Variants in GRID2 observed in about 807,000 individuals in gnomAD.
GRID2 encodes the protein glutamate receptor ionotropic, delta-2.
GRID2 carries 33 observed loss-of-function variants against 114.8 expected under a neutral mutation model. The ratio of observed to expected loss-of-function variants is 0.29; its 90% CI spans 0.22 to 0.38. GRID2 has a LOEUF of 0.38. Ranked by LOEUF, GRID2 falls within the 10% of genes least tolerant of loss-of-function variation. The pLI is 1.00. For synonymous variants in GRID2, 505 were observed against 449.9 expected, an observed-to-expected ratio of 1.12 and a Z score of -1.55; for missense variants, 1,184 against 1,257.7, an observed-to-expected ratio of 0.94 and a Z score of 0.89.
At chr4:93,158,687 G>C (rs900689323) in intron 4 of GRID2, among the ~76,000 whole-genome samples, 1 of 151,730 alleles carries the variant, frequency 6.6e-6, no homozygotes, top group Non-Finnish European at 1.5e-5. Context: ...GAGCTCTGGA[G>C]TTCGAGTTTG....
chr4:93,735,502 C>T (rs1730851253), intron 14 of GRID2, among the ~76,000 whole-genome samples: 1 of 151,784 alleles, frequency 6.6e-6, no homozygotes. Context: ...CTATCTAAGC[C>T]TCCATATTAT....
chr4:92,643,248 C>CA, intron 2 of GRID2, among the ~76,000 whole-genome samples: 1 of 151,496 alleles, frequency 6.6e-6, no homozygotes, highest in East Asian at 1.9e-4. Flanking sequence ...AATGTTTTTC[C>CA]ATGTATTTTT....
intron 2 of GRID2, among the ~76,000 whole-genome samples, chr4:92,672,537 C>A (rs1733124962): frequency 2.0e-5 from 3 of 152,036 alleles, no homozygotes; most frequent in Non-Finnish European, 2.9e-5. Flanking sequence ...ATAATGGGGT[C>A]TTGTCTTTTA....
intron 13 of GRID2, among the ~76,000 whole-genome samples, chr4:93,600,444 A>T (rs1739559261): frequency 6.6e-6 from 1 of 152,156 alleles, no homozygotes; most frequent in Non-Finnish European, 1.5e-5. Context: ...AAATATACAA[A>T]TTACCAATAA....
chr4:92,862,080 A>C (rs1744569358), intron 2 of GRID2, among the ~76,000 whole-genome samples: 1 of 152,026 alleles, frequency 6.6e-6, no homozygotes, highest in South Asian at 2.1e-4. Flanking sequence ...AAGGCCTGGC[A>C]GAATTGTCTT....
intron 2 of GRID2, among the ~76,000 whole-genome samples, chr4:92,769,399 C>T (rs1292132585): frequency 1.3e-5 from 2 of 152,172 alleles, no homozygotes; most frequent in Non-Finnish European, 2.9e-5. Flanking sequence ...GCACATGGTA[C>T]AAGCTGTTGG....
intron 2 of GRID2, among the ~76,000 whole-genome samples, chr4:92,640,118 T>G (rs539318944): frequency 1.3e-5 from 2 of 151,882 alleles, no homozygotes; most frequent in South Asian, 4.1e-4. Context: ...TAGCTACTTT[T>G]AGAATATTGT....
chr4:93,279,822 G>A (rs1752467166), intron 8 of GRID2, among the ~76,000 whole-genome samples: 1 of 151,922 alleles, frequency 6.6e-6, no homozygotes, highest in Non-Finnish European at 1.5e-5. Context: ...TTAGGGCTCT[G>A]TGATACTTTC....
At chr4:92,973,605 T>C (rs1008830230) in intron 2 of GRID2, among the ~76,000 whole-genome samples, 8 of 152,110 alleles carry the variant, frequency 5.3e-5, no homozygotes, top group Non-Finnish European at 7.4e-5. Flanking sequence ...TGTAGGAAGA[T>C]TAAGAGCACC....
chr4:93,238,756 G>T (rs2149512996), intron 8 of GRID2, among the ~76,000 whole-genome samples: 1 of 151,722 alleles, frequency 6.6e-6, no homozygotes, highest in South Asian at 2.1e-4. Flanking sequence ...TCTTTCATTT[G>T]TTACAATAAT....
chr4:92,782,229 ATTTGGGGTTTATTGGTAC>A (rs1334845380), intron 2 of GRID2, among the ~76,000 whole-genome samples: 2 of 152,042 alleles, frequency 1.3e-5, no homozygotes, highest in East Asian at 3.9e-4. Context: ...TTCTTCAGGA[ATTTGGGGTTTATTGGTAC>A]TTTGAGAGCT....
At chr4:93,189,152 A>T (rs1184147203) in intron 4 of GRID2, among the ~76,000 whole-genome samples, 2 of 152,104 alleles carry the variant, frequency 1.3e-5, no homozygotes, top group East Asian at 3.9e-4. Flanking sequence ...TTATAGCAGC[A>T]CCCCAGTTTT....
intron 2 of GRID2, among the ~76,000 whole-genome samples, chr4:92,950,724 T>C (rs1244996436): frequency 2.0e-5 from 3 of 152,212 alleles, no homozygotes; most frequent in Non-Finnish European, 4.4e-5. Context: ...TACTTTCCAT[T>C]ATTTATATAA....
chr4:92,718,756 C>G (rs902256304), intron 2 of GRID2, among the ~76,000 whole-genome samples: 1 of 101,554 alleles, frequency 9.8e-6, no homozygotes, highest in Non-Finnish European at 1.8e-5. Context: ...GAGTAAGACC[C>G]TGTCCAAAAA....
intron 2 of GRID2, among the ~76,000 whole-genome samples, chr4:92,959,095 A>G (rs969244002): frequency 1.5e-5 from 2 of 132,572 alleles, no homozygotes; most frequent in Non-Finnish European, 3.2e-5. Context: ...GGCTAAAGGC[A>G]TACAGATTTT....
intron 2 of GRID2, among the ~76,000 whole-genome samples, chr4:92,730,015 C>T (rs1736257801): frequency 6.6e-6 from 1 of 151,696 alleles, no homozygotes; most frequent in African/African-American, 2.4e-5. Context: ...TCATTTATGC[C>T]ACATGAAGAT....
At chr4:92,423,655 T>G (rs76714387) in intron 1 of GRID2, among the ~76,000 whole-genome samples, 2,547 of 152,236 alleles carry the variant, frequency 0.017, 78 homozygotes, top group African/African-American at 0.058. Context: ...ATAACCTGAT[T>G]TATATCCTAT....
intron 2 of GRID2, among the ~76,000 whole-genome samples, chr4:92,864,356 T>G (rs1483250172): frequency 6.6e-6 from 1 of 152,200 alleles, no homozygotes; most frequent in East Asian, 1.9e-4. Flanking sequence ...AATAGCAGAA[T>G]CATTTCCAGG....
At chr4:92,837,672 T>A (rs1252316366) in intron 2 of GRID2, among the ~76,000 whole-genome samples, 2 of 152,062 alleles carry the variant, frequency 1.3e-5, no homozygotes, top group Non-Finnish European at 2.9e-5. Context: ...AGAAGTTAAT[T>A]TGAGAAGGGG....
Sources: gnomAD v4.1 joint callset for allele counts (sites outside exome capture counted in the v4.1 genomes callset) on GRCh38, gnomAD v4.1.1 for gene constraint, MANE v1.5 for transcripts, NCBI Gene and HGNC (gene_info 2026-07-23, HGNC 2026-07-21) for gene names.